Variants in SLC27A4 observed in about 807,000 individuals in gnomAD.
SLC27A4 encodes the protein solute carrier family 27 member 4.
A neutral mutation model predicts 64.4 loss-of-function variants in SLC27A4; 33 were observed. The observed-to-expected ratio is 0.51, with a 90% CI of 0.39 to 0.68. SLC27A4 has a LOEUF of 0.68. SLC27A4 is among the 30% of genes least tolerant of loss of function. SLC27A4 has a pLI of 0.00. For synonymous variants in SLC27A4, 377 were observed against 370.0 expected, an observed-to-expected ratio of 1.02 and a Z score of -0.22; for missense variants, 824 against 883.5, an observed-to-expected ratio of 0.93 and a Z score of 0.85.
Position 128,353,766 on chromosome 9 carries a change from C to T in SLC27A4, c.1324+225C>T, listed in dbSNP as rs141410622. On this transcript the variant is annotated intron_variant, in intron 9 of 12. Coordinates refer to ENST00000300456, the MANE Select transcript of SLC27A4 (RefSeq NM_005094.4). This position sits in a 1 kb window ranked among gnomAD's most constrained non-coding sequence, Gnocchi z 4.9. The stretch of plus-strand genomic sequence containing the variant: ...TTCTTTTTTTTTTTTTTATTTGAGA[C>T]GGAGTCTCGCTCTGTCGCCCAGGCT... Among the ~76,000 whole-genome samples, 13,663 of 118,542 alleles carry T rather than the reference C, an allele frequency of 0.12. 134 individuals carry two copies. Among genetic ancestry groups the T allele is most frequent in the African/African-American group, 0.36 (7,738 of 21,462 alleles). 77.8% of individuals were successfully genotyped at this position (118,542 alleles called of 152,430 possible).
chr9:128,350,334 A>G lies in SLC27A4; in HGVS notation c.738A>G (p.Thr246=), dbSNP rs747557571. 6.2e-7 allele frequency: 1 copy of G among 1,613,096 alleles called. No homozygotes were observed. Among genetic ancestry groups the G allele is most frequent in the Non-Finnish European group, 8.5e-7 (1 of 1,180,028 alleles). Residue 246 remains threonine (T), a synonymous_variant, in exon 5 of 13, where the codon ACA becomes ACG. Coordinates refer to ENST00000300456, the MANE Select transcript of SLC27A4 (RefSeq NM_005094.4). ...TAGATAAACTGTTCTACATCTACAC[A>G]TCCGGCACCACAGGGCTGCCCAAGG... The part of the protein sequence containing the change: ...GFTDKLFYIY[T]SGTTGLPKAA...
At chr9:128,341,959 G>A (rs1331724077) in intron 1 of SLC27A4, among the ~76,000 whole-genome samples, 5 of 152,100 alleles carry the variant, frequency 3.3e-5, no homozygotes, top group African/African-American at 9.7e-5. Flanking sequence ...GGGTGGTCTC[G>A]AACTCCTGAC....
At position 128,355,215 on chromosome 9, in the gene SLC27A4, C is replaced by T. The variant is rs587776383; in HGVS notation, c.1462+25C>T. 6.2e-7 allele frequency: 1 copy of T among 1,611,336 alleles called. No homozygotes were observed. Among genetic ancestry groups the T allele is most frequent in the Non-Finnish European group, 8.5e-7 (1 of 1,178,216 alleles). ...GGTGGGTCCCCAGCCCTTCACAGCC[C>T]CTTCCTGAGGGTTGGGGGAGGAGGG... is the stretch of plus-strand genomic sequence containing the variant. On this transcript the variant is annotated intron_variant, in intron 10 of 12. Transcript: ENST00000300456.
intron 9 of SLC27A4, among the ~76,000 whole-genome samples, chr9:128,354,719 G>T (rs1030172312): frequency 1.3e-5 from 2 of 151,848 alleles, no homozygotes; most frequent in East Asian, 3.9e-4. Flanking sequence ...AGGCCGAGGC[G>T]GGTGGATCAC....
chr9:128,341,224 T>A (rs977740687), intron 1 of SLC27A4, among the ~76,000 whole-genome samples: 1 of 152,176 alleles, frequency 6.6e-6, no homozygotes, highest in Non-Finnish European at 1.5e-5. Context: ...CCAGGGCTTC[T>A]TGTGGTCCAG....
chr9:128,358,634 A>G (rs1832854484), intron 12 of SLC27A4, among the ~76,000 whole-genome samples: 1 of 151,764 alleles, frequency 6.6e-6, no homozygotes, highest in Non-Finnish European at 1.5e-5. Flanking sequence ...TTTATTAGAC[A>G]TGGGGTTTTG....
At chr9:128,349,144 G>C (rs954647563) in intron 4 of SLC27A4, among the ~76,000 whole-genome samples, 12 of 152,152 alleles carry the variant, frequency 7.9e-5, no homozygotes, top group African/African-American at 2.9e-4. Flanking sequence ...TCCTCTCCCA[G>C]CACTGTGCTG....
chr9:128,357,249 G>A (rs376478064), intron 12 of SLC27A4, among the ~76,000 whole-genome samples: 2 of 141,270 alleles, frequency 1.4e-5, no homozygotes, highest in East Asian at 4.2e-4. Context: ...GAGACAGAGT[G>A]AGACTCTGTC....
chr9:128,352,980 G>A, intron 7 of SLC27A4, 45 bp from the exon 8 acceptor site: 1 of 1,528,272 alleles, frequency 6.5e-7, no homozygotes, highest in Non-Finnish European at 9.0e-7. Context: ...CTAGTGTAGT[G>A]AGGGCAGCCT....
At position 128,345,094 on chromosome 9, in the gene SLC27A4, G is replaced by A; in HGVS notation, c.162-61G>A. 7 of 1,606,468 alleles carry A rather than the reference G, an allele frequency of 4.4e-6. No individual in the cohort carries two copies. Among genetic ancestry groups the A allele is most frequent in the East Asian group, 2.2e-5 (1 of 44,826 alleles). On this transcript the variant is annotated intron_variant, in intron 2 of 12. Transcript: ENST00000300456. The surrounding 1 kb of genome is among the most constrained non-coding windows in gnomAD (Gnocchi z 4.1). ...TGGCGAGGCAGCAGCCTGGGGTAGG[G>A]TGTCAGGACCCCTCCCTCCCAACCA...
At position 128,357,315 on chromosome 9, in the gene SLC27A4, C is replaced by T. The variant is rs575678293; in HGVS notation, c.1774+1519C>T. Among the ~76,000 whole-genome samples, 46 of 150,468 alleles carry T rather than the reference C, an allele frequency of 3.1e-4. No individual in the cohort carries two copies. The South Asian group carries it at 8.1e-3, about 26-fold the overall frequency. ...GGCGTGGTGGTACATACCTGTAATCCAGCGACTCGGGAGGCTGAGACAGGA... is the reference window on the plus strand; with the variant it reads ...GGCGTGGTGGTACATACCTGTAATCTAGCGACTCGGGAGGCTGAGACAGGA... On this transcript the variant is annotated intron_variant, in intron 12 of 12. Coordinates refer to ENST00000300456, the MANE Select transcript of SLC27A4 (RefSeq NM_005094.4).
intron 1 of SLC27A4, 50 bp downstream of exon 1, chr9:128,340,888 CCGAGTCGGG>C: frequency 1.8e-6 from 1 of 555,752 alleles, no homozygotes; most frequent in East Asian, 3.3e-5. Context: ...ATGTGCCAGG[CCGAGTCGGG>C]CGAGGTGGCG....
chr9:128,340,706 G>A lies in SLC27A4; in HGVS notation c.-139G>A, dbSNP rs1240833699. The A allele has an allele frequency of 6.1e-6, 3 of 488,578 alleles. No individual in the cohort carries two copies. Among genetic ancestry groups the A allele is most frequent in the African/African-American group, 2.0e-5 (1 of 49,550 alleles). 30.3% of individuals were successfully genotyped at this position (488,578 alleles called of 1,614,324 possible). ...CTGGCGGGGCGGCCGGGCCATGCAG[G>A]GCGCAGAGCCGGCTAAACCCTGCTG... is the stretch of plus-strand genomic sequence containing the variant. On this transcript the variant is annotated 5_prime_UTR_variant, in exon 1 of 13. Coordinates refer to ENST00000300456, the MANE Select transcript of SLC27A4 (RefSeq NM_005094.4).
At chr9:128,350,952 G>T (rs1299539502) in intron 6 of SLC27A4, among the ~76,000 whole-genome samples, 3 of 152,232 alleles carry the variant, frequency 2.0e-5, no homozygotes, top group Admixed American at 2.0e-4. Context: ...AATTAGCCAG[G>T]TGTGGTGGCT....
At position 128,353,442 on chromosome 9, in the gene SLC27A4, A is replaced by T; in HGVS notation, c.1225A>T (p.Ile409Phe). 1 of 1,614,138 alleles carries T rather than the reference A, an allele frequency of 6.2e-7. No individual in the cohort carries two copies. Among genetic ancestry groups the T allele is most frequent in the Non-Finnish European group, 8.5e-7 (1 of 1,180,038 alleles). Residue 409 changes from isoleucine to phenylalanine, a missense_variant, in exon 9 of 13, where the codon ATC (isoleucine) becomes TTC (phenylalanine). Transcript: ENST00000300456. This position sits in a 1 kb window ranked among gnomAD's most constrained non-coding sequence, Gnocchi z 4.9. ...GGGGGCCTGTGGTTTCAATAGCCGC[A>T]TCCTGTCCTTCGTGTACCCCATCCG... ...QVGACGFNSR[I>F]LSFVYPIRLV...
rs774007031 is a variant in SLC27A4 at position 128,348,672 on chromosome 9, C to T, written c.684C>T (p.His228=). 1.9e-6 allele frequency: 3 copies of T among 1,614,094 alleles called. No homozygotes were observed. Among genetic ancestry groups the T allele is most frequent in the Non-Finnish European group, 2.5e-6 (3 of 1,180,046 alleles). Residue 228 remains histidine (H), a synonymous_variant, in exon 4 of 13, where the codon CAC becomes CAT. Coordinates refer to ENST00000300456, the MANE Select transcript of SLC27A4 (RefSeq NM_005094.4). ...CTCTGCTGAAAGATGCTCCCAAGCA[C>T]CTTCCCAGTTGCCCTGACAAGGGCT... is the stretch of plus-strand genomic sequence containing the variant. ...LDPLLKDAPK[H]LPSCPDKGFT...
chr9:128,343,877 GAGAA>G (rs1832614785), intron 2 of SLC27A4, among the ~76,000 whole-genome samples: 1 of 152,348 alleles, frequency 6.6e-6, no homozygotes, highest in South Asian at 2.1e-4. Flanking sequence ...GATTGGTCAG[GAGAA>G]AGAAAGGGAC....
intron 11 of SLC27A4, 35 bp from the exon 12 acceptor site, chr9:128,355,615 C>T: frequency 1.2e-6 from 2 of 1,607,612 alleles, no homozygotes; most frequent in Non-Finnish European, 1.7e-6. Context: ...CCAGGGGCAC[C>T]ACCAGCTACT....
chr9:128,355,540 C>T lies in SLC27A4; in HGVS notation c.1605C>T (p.Ala535=), dbSNP rs750641063. ...GCCTGCTGGACATGGCTGACGTGGC[C>T]GTGTATGGTGTCGAGGTGCCAGGTA... ...LSRLLDMADV[A]VYGVEVPGTE... is the part of the protein sequence containing the mutation. Residue 535 remains alanine (A), a synonymous_variant, in exon 11 of 13, where the codon GCC becomes GCT. Transcript: ENST00000300456. 13 of 1,611,828 alleles carry T rather than the reference C, an allele frequency of 8.1e-6. No homozygotes were observed. The highest frequency in any genetic ancestry group is 1.0e-5 in the Non-Finnish European group (12 of 1,180,010).
Sources: gnomAD v4.1 joint callset for allele counts (sites outside exome capture counted in the v4.1 genomes callset) on GRCh38, gnomAD v4.1.1 for gene constraint, Gnocchi (gnomAD v3.1) non-coding constraint, MANE v1.5 for transcripts, NCBI Gene and HGNC (gene_info 2026-07-23, HGNC 2026-07-21) for gene names.